ZYG11B: variants seen among roughly 807,000 people sequenced by gnomAD.
The protein encoded by ZYG11B is zyg-11 family member B, cell cycle regulator, also known as protein zyg-11 homolog B.
In ZYG11B, 36 loss-of-function variants were observed where a neutral mutation model predicts 82.4. That is an observed-to-expected ratio of 0.44 (90% CI 0.33 to 0.58). ZYG11B has a LOEUF of 0.58. Among genes scored for constraint, ZYG11B ranks in the 20% least tolerant of loss-of-function variants. The probability of loss-of-function intolerance (pLI) is 0.02; values close to 1 mark genes in which losing one functional copy is unlikely to be tolerated. For synonymous variants in ZYG11B, 303 were observed against 312.8 expected, an observed-to-expected ratio of 0.97 and a Z score of 0.33; for missense variants, 552 against 895.6, an observed-to-expected ratio of 0.62 and a Z score of 4.90.
chr1:52,798,066 T>C (rs937573148), intron 8 of ZYG11B, among the ~76,000 whole-genome samples: 40 of 151,978 alleles, frequency 2.6e-4, no homozygotes, highest in African/African-American at 9.2e-4. Flanking sequence ...AAGTCTGCAG[T>C]GAGCCGTGAT....
chr1:52,758,218 AG>A (rs1363144698), intron 2 of ZYG11B, among the ~76,000 whole-genome samples: 20 of 149,218 alleles, frequency 1.3e-4, no homozygotes, highest in Non-Finnish European at 3.0e-4. Context: ...AAAAAAAAAA[AG>A]ATACACCTTT....
chr1:52,783,673 G>A (rs969192894), intron 4 of ZYG11B, among the ~76,000 whole-genome samples: 9 of 145,144 alleles, frequency 6.2e-5, no homozygotes, highest in African/African-American at 1.3e-4. Flanking sequence ...CCAGGCAGAA[G>A]TGCAGTGGCA....
In ZYG11B at chr1:52,803,123, C is replaced by CACAT. The variant is rs1553262802; in HGVS notation, c.1695+985_1695+986insCATA. On this transcript the variant is annotated intron_variant, in intron 10 of 13. Coordinates refer to ENST00000294353, the MANE Select transcript of ZYG11B (RefSeq NM_024646.3). ...ACATATATATATATATATATACACA[C>CACAT]ATATATATATACACACATATATATA... Among the ~76,000 whole-genome samples, 106 of 53,628 alleles carry CACAT rather than the reference C, an allele frequency of 2.0e-3. 8 individuals are homozygous for CACAT. Among genetic ancestry groups the CACAT allele is most frequent in the Middle Eastern group, 0.018 (2 of 114 alleles). The allele number at this position is 53,628 out of a possible 152,430, so 35.2% of individuals were successfully genotyped here.
chr1:52,819,154 TAAA>T (rs1417771878), intron 13 of ZYG11B, among the ~76,000 whole-genome samples: 2 of 152,084 alleles, frequency 1.3e-5, no homozygotes, highest in African/African-American at 4.8e-5. Flanking sequence ...CTGTGTCAGA[TAAA>T]GAAGAATAAT....
At chr1:52,801,097 A>C (rs745500100) in intron 8 of ZYG11B, among the ~76,000 whole-genome samples, 45 of 152,028 alleles carry the variant, frequency 3.0e-4, no homozygotes, top group Non-Finnish European at 5.0e-4. Context: ...TTTCAAAGCT[A>C]TTATCTTCTT....
At position 52,802,130 on chromosome 1, in the gene ZYG11B, A is replaced by G. The variant is rs191616770; in HGVS notation, c.1686A>G (p.Leu562=). ...AGTCATCCATTCAGCAGAAAGTTCTAGGACTTTTGGTAAGATATAAGCACT... is the reference window on the plus strand; with the variant it reads ...AGTCATCCATTCAGCAGAAAGTTCTGGGACTTTTGGTAAGATATAAGCACT... ...PTESSIQQKV[L]GLLNNIAEVQ... is the part of the protein sequence containing the mutation. Residue 562 remains leucine, a synonymous_variant, in exon 10 of 14, where the codon CTA becomes CTG. Transcript: ENST00000294353. 6.0e-5 allele frequency: 96 copies of G among 1,610,754 alleles called. No homozygotes were observed. The highest frequency in any genetic ancestry group is 8.1e-5 in the Non-Finnish European group (96 of 1,179,170).
At chr1:52,819,533 T>A (rs192775116) in intron 13 of ZYG11B, among the ~76,000 whole-genome samples, 37 of 152,144 alleles carry the variant, frequency 2.4e-4, no homozygotes, top group South Asian at 1.0e-3. Flanking sequence ...CACGCCTGTA[T>A]TCCCAGCACT....
intron 13 of ZYG11B, among the ~76,000 whole-genome samples, chr1:52,821,130 A>G (rs955033592): frequency 1.3e-5 from 2 of 151,998 alleles, no homozygotes; most frequent in East Asian, 3.9e-4. Context: ...AAAATATAAC[A>G]ACACTTACCT....
chr1:52,756,946 T>G (rs1386833167), intron 2 of ZYG11B, among the ~76,000 whole-genome samples: 3 of 151,860 alleles, frequency 2.0e-5, no homozygotes, highest in African/African-American at 7.3e-5. Flanking sequence ...GCCTCCTGTG[T>G]AGCTGGGACC....
intron 3 of ZYG11B, chr1:52,772,455 A>G (rs1644760752): frequency 6.3e-7 from 1 of 1,579,632 alleles, no homozygotes; most frequent in Admixed American, 1.7e-5. Context: ...GCCTGTCACA[A>G]AACGTACTTG....
At chr1:52,807,877 C>T (rs998434656) in intron 10 of ZYG11B, among the ~76,000 whole-genome samples, 23 of 152,136 alleles carry the variant, frequency 1.5e-4, no homozygotes, top group African/African-American at 4.8e-4. Flanking sequence ...TTTTGTCTGA[C>T]TGAAAACATC....
intron 1 of ZYG11B, among the ~76,000 whole-genome samples, chr1:52,741,874 T>C (rs1432443158): frequency 6.6e-6 from 1 of 152,192 alleles, no homozygotes; most frequent in East Asian, 1.9e-4. Context: ...TAAGGTTATA[T>C]AGGTTTGTAA....
chr1:52,807,204 G>A (rs1417935834), intron 10 of ZYG11B, among the ~76,000 whole-genome samples: 1 of 151,072 alleles, frequency 6.6e-6, no homozygotes, highest in African/African-American at 2.4e-5. Flanking sequence ...GTTTCACCAT[G>A]TTGTCCAGGC....
intron 10 of ZYG11B, among the ~76,000 whole-genome samples, chr1:52,803,151 T>C (rs184239465): frequency 1.2e-4 from 7 of 56,526 alleles, no homozygotes; most frequent in East Asian, 1.4e-3. Flanking sequence ...TATATATATA[T>C]ATACACATAT....
chr1:52,802,507 T>C (rs1167227578), intron 10 of ZYG11B, among the ~76,000 whole-genome samples: 1 of 151,704 alleles, frequency 6.6e-6, no homozygotes, highest in East Asian at 1.9e-4. Context: ...TGCACCACAA[T>C]GCCCAGCTAA....
rs879781004 is a variant in ZYG11B at position 52,726,480 on chromosome 1, G to A, written c.-174G>A. The A allele has an allele frequency of 1.9e-4, 103 of 539,668 alleles. No homozygotes were observed. Among genetic ancestry groups the A allele is most frequent in the Non-Finnish European group, 2.8e-4 (99 of 354,958 alleles). The allele number at this position is 539,668 out of a possible 1,614,324, so 33.4% of individuals were successfully genotyped here. On this transcript the variant is annotated 5_prime_UTR_variant, in exon 1 of 14. Coordinates refer to ENST00000294353, the MANE Select transcript of ZYG11B (RefSeq NM_024646.3). ...AGTCTGCGCTCTGGTTCGGGCTGCG[G>A]CTGCGGCTGCGGCTGCGGCTGCTAC...
intron 1 of ZYG11B, 31 bp downstream of exon 1, chr1:52,726,714 C>A: frequency 6.8e-7 from 1 of 1,461,454 alleles, no homozygotes; most frequent in Non-Finnish European, 9.0e-7. Context: ...CTAGCCGCAG[C>A]CGCCCGCCAC....
At chr1:52,741,213 G>T (rs1239844193) in intron 1 of ZYG11B, among the ~76,000 whole-genome samples, 1 of 142,510 alleles carries the variant, frequency 7.0e-6, no homozygotes, top group Non-Finnish European at 1.5e-5. Flanking sequence ...CAGGAGTATT[G>T]CTTGAATCCA....
At chr1:52,750,368 G>A (rs1433066034) in intron 1 of ZYG11B, among the ~76,000 whole-genome samples, 2 of 151,824 alleles carry the variant, frequency 1.3e-5, no homozygotes, top group Non-Finnish European at 2.9e-5. Context: ...CACCTCCCAG[G>A]TTCAAGTGAT....
Sources: gnomAD v4.1 joint callset for allele counts (sites outside exome capture counted in the v4.1 genomes callset) on GRCh38, gnomAD v4.1.1 for gene constraint, MANE v1.5 for transcripts, NCBI Gene and HGNC (gene_info 2026-07-23, HGNC 2026-07-21) for gene names.